NCBP3: variants seen among roughly 807,000 people sequenced by gnomAD.
The protein encoded by NCBP3 is nuclear cap-binding protein subunit 3.
A neutral mutation model predicts 75.7 loss-of-function variants in NCBP3; 20 were observed. The ratio of observed to expected loss-of-function variants is 0.26; its 90% CI spans 0.19 to 0.38. The LOEUF (loss-of-function observed/expected upper bound fraction) is 0.38. Ranked by LOEUF, NCBP3 falls within the 10% of genes least tolerant of loss-of-function variation. The probability of loss-of-function intolerance (pLI) is 1.00; values close to 1 mark genes in which losing one functional copy is unlikely to be tolerated. For missense variants in NCBP3, 678 were observed against 796.9 expected (o/e 0.85, Z 1.80); for synonymous variants, 293 against 290.5 (o/e 1.01, Z -0.09).
Position 3,810,120 on chromosome 17 carries a change from G to A in NCBP3, c.*2924C>T, listed in dbSNP as rs2053386727. The A allele has an allele frequency of 6.6e-6, 1 of 152,222 alleles. No homozygotes were observed. The highest frequency in any genetic ancestry group is 1.5e-5 in the Non-Finnish European group (1 of 68,040). The allele number at this position is 152,222 out of a possible 1,614,324, so 9.4% of individuals were successfully genotyped here. A position where few individuals can be genotyped will look rare whatever the true frequency, so the allele number is the denominator to read the frequency against. Reference sequence around the variant, plus strand: ...TGTAAATATACTAAAAGCCACTCAAGTGTACACTTTAAATGGCTGAACTGT... The same window carrying A: ...TGTAAATATACTAAAAGCCACTCAAATGTACACTTTAAATGGCTGAACTGT... On this transcript the variant is annotated 3_prime_UTR_variant, in exon 13 of 13. Coordinates refer to ENST00000389005, the MANE Select transcript of NCBP3 (RefSeq NM_001114118.3).
Position 3,829,366 on chromosome 17 carries a change from T to A in NCBP3, c.358A>T (p.Ile120Phe), listed in dbSNP as rs758418958. The A allele has an allele frequency of 1.9e-6, 3 of 1,551,682 alleles. No homozygotes were observed. The highest frequency in any genetic ancestry group is 4.9e-5 in the East Asian group (2 of 40,928). ...ATTGTCTCCAGTCTCACCTTGGGGA[T>A]TGCTAGAAAGACAAGACACAGAAAA... ...ALDRDMMKKA[I>F]PKVRLETIYI... Residue 120 changes from isoleucine (I) to phenylalanine (F), a missense_variant and splice_region_variant, in exon 4 of 13, where the codon ATC becomes TTC. Around this residue, in one of 7 missense-constraint regions of NCBP3, gnomAD observed 40 missense variants for 41.3 expected, o/e 0.97. Transcript: ENST00000389005.
At chr17:3,822,590 GC>G (rs1231010731) in intron 7 of NCBP3, 1 of 152,216 alleles carries the variant, frequency 6.6e-6, no homozygotes, top group Admixed American at 6.5e-5. Context: ...AATGTACTCA[GC>G]CACTCAAATG....
chr17:3,835,225 T>G (rs949531299), intron 3 of NCBP3, among the ~76,000 whole-genome samples: 1 of 152,214 alleles, frequency 6.6e-6, no homozygotes, highest in African/African-American at 2.4e-5. Flanking sequence ...TTTAAAAAAG[T>G]GCCTCAAGTA....
chr17:3,840,292 C>G (rs759889390), intron 2 of NCBP3, 87 bp from the exon 3 acceptor site: 8 of 1,071,770 alleles, frequency 7.5e-6, no homozygotes, highest in Non-Finnish European at 1.1e-5. Context: ...AGTGACAAAC[C>G]TGAACTAAAA....
At chr17:3,821,458 T>C in intron 8 of NCBP3, 106 bp from the exon 9 acceptor site, 2 of 863,118 alleles carry the variant, frequency 2.3e-6, no homozygotes, top group Admixed American at 4.6e-5. Flanking sequence ...AGTCTCAATC[T>C]CTCTCCCAGG....
chr17:3,832,128 A>G lies in NCBP3; in HGVS notation c.356-2760T>C, dbSNP rs530147015. 1.5e-4 allele frequency among the ~76,000 whole-genome samples: 16 copies of G among 108,466 alleles called. 2 individuals are homozygous for G. The highest frequency in any genetic ancestry group is 1.2e-3 in the East Asian group (3 of 2,602). The allele number at this position is 108,466 out of a possible 152,430, so 71.2% of individuals were successfully genotyped here. On this transcript the variant is annotated intron_variant, in intron 3 of 12. Transcript: ENST00000389005. ...GAACCTGGGAGGCAGAGGTTGCAGTAAGCCGAGATTGTGCCATTGCACTCC... is the reference window on the plus strand; with the variant it reads ...GAACCTGGGAGGCAGAGGTTGCAGTGAGCCGAGATTGTGCCATTGCACTCC...
At position 3,846,246 on chromosome 17, in the gene NCBP3, T is replaced by C. The variant is rs1055199456; in HGVS notation, c.-23A>G. On this transcript the variant is annotated 5_prime_UTR_variant, in exon 1 of 13. Coordinates refer to ENST00000389005, the MANE Select transcript of NCBP3 (RefSeq NM_001114118.3). The surrounding 1 kb of genome is among the most constrained non-coding windows in gnomAD (Gnocchi z 4.6). ...CATCGCTGCCTGCCGGCCGCACCACTGAGAGCCCGCCCCTCACGGCCGCCG... is the reference window on the plus strand; with the variant it reads ...CATCGCTGCCTGCCGGCCGCACCACCGAGAGCCCGCCCCTCACGGCCGCCG... 9.3e-6 allele frequency: 13 copies of C among 1,404,614 alleles called. No homozygotes were observed. Among genetic ancestry groups the C allele is most frequent in the Non-Finnish European group, 1.2e-5 (13 of 1,088,734 alleles). 87.0% of individuals were successfully genotyped at this position (1,404,614 alleles called of 1,614,324 possible).
Position 3,818,184 on chromosome 17 carries a change from T to C in NCBP3, c.1310+79A>G, listed in dbSNP as rs1483272286. On this transcript the variant is annotated intron_variant, in intron 10 of 12. Transcript: ENST00000389005. The surrounding 1 kb of genome is among the most constrained non-coding windows in gnomAD (Gnocchi z 4.7). ...AAATCAGAATAGATAAAAGATATTA[T>C]AAAATTAGGAGGAATTAAGAAGTTA... 2.7e-6 allele frequency: 3 copies of C among 1,093,326 alleles called. No individual in the cohort carries two copies. Among genetic ancestry groups the C allele is most frequent in the Non-Finnish European group, 3.9e-6 (3 of 775,838 alleles). The allele number at this position is 1,093,326 out of a possible 1,614,324, so 67.7% of individuals were successfully genotyped here. A position where few individuals can be genotyped will look rare whatever the true frequency, so the allele number is the denominator to read the frequency against.
chr17:3,834,073 G>C (rs936368643), intron 3 of NCBP3, among the ~76,000 whole-genome samples: 4 of 152,056 alleles, frequency 2.6e-5, no homozygotes, highest in African/African-American at 9.7e-5. Flanking sequence ...TTGCACTGCC[G>C]GTCACTAATA....
chr17:3,818,176 A>AGAT lies in NCBP3; in HGVS notation c.1310+84_1310+86dup. The AGAT allele has an allele frequency of 9.6e-7, 1 of 1,044,400 alleles. No homozygotes were observed. The highest frequency in any genetic ancestry group is 1.4e-6 in the Non-Finnish European group (1 of 735,180). 64.7% of individuals were successfully genotyped at this position (1,044,400 alleles called of 1,614,324 possible). ...AGGGACTGAAATCAGAATAGATAAA[A>AGAT]GATATTATAAAATTAGGAGGAATTA... On this transcript the variant is annotated intron_variant, in intron 10 of 12. Coordinates refer to ENST00000389005, the MANE Select transcript of NCBP3 (RefSeq NM_001114118.3). This position sits in a 1 kb window ranked among gnomAD's most constrained non-coding sequence, Gnocchi z 4.7.
intron 1 of NCBP3, 75 bp downstream of exon 1, chr17:3,845,966 C>G: frequency 6.8e-6 from 10 of 1,464,660 alleles, no homozygotes; most frequent in Non-Finnish European, 9.2e-6. Flanking sequence ...CTCCGGCCAC[C>G]GCCCCTTCCG....
chr17:3,845,957 T>G, intron 1 of NCBP3, 84 bp downstream of exon 1: 3 of 1,430,802 alleles, frequency 2.1e-6, no homozygotes, highest in Non-Finnish European at 2.8e-6. Context: ...CGGCTGGGGC[T>G]CCGGCCACCG....
At chr17:3,821,846 T>C in intron 8 of NCBP3, 107 bp downstream of exon 8, 1 of 709,782 alleles carries the variant, frequency 1.4e-6, no homozygotes, top group Non-Finnish European at 2.4e-6. Flanking sequence ...TTCTTCCCTC[T>C]TGTTTTCCTT....
At position 3,846,014 on chromosome 17, in the gene NCBP3, T is replaced by C. The variant is rs769500887; in HGVS notation, c.183+27A>G. 6.5e-7 allele frequency: 1 copy of C among 1,540,856 alleles called. No individual in the cohort carries two copies. The highest frequency in any genetic ancestry group is 1.2e-5 in the South Asian group (1 of 83,762). On this transcript the variant is annotated intron_variant, in intron 1 of 12. Transcript: ENST00000389005. The surrounding 1 kb of genome is among the most constrained non-coding windows in gnomAD (Gnocchi z 4.6). ...GCTAGACACTAGCCCCGCGACCTCT[T>C]CCTTACCCCCCGACCCCCGCCCGTA...
intron 6 of NCBP3, among the ~76,000 whole-genome samples, 195 bp downstream of exon 6, chr17:3,825,572 T>C (rs1002483922): frequency 6.6e-6 from 1 of 152,162 alleles, no homozygotes; most frequent in Non-Finnish European, 1.5e-5. Context: ...TGTAGAAGCA[T>C]AAGCACTATT....
At position 3,807,225 on chromosome 17, in the gene NCBP3, T is replaced by C. The variant is rs2053345954; in HGVS notation, c.*5819A>G. 1 of 152,188 alleles carries C rather than the reference T, an allele frequency of 6.6e-6. No homozygotes were observed. The highest frequency in any genetic ancestry group is 2.1e-4 in the South Asian group (1 of 4,832). 9.4% of individuals were successfully genotyped at this position (152,188 alleles called of 1,614,324 possible). On this transcript the variant is annotated 3_prime_UTR_variant, in exon 13 of 13. Coordinates refer to ENST00000389005, the MANE Select transcript of NCBP3 (RefSeq NM_001114118.3). The stretch of plus-strand genomic sequence containing the variant: ...CTGGCTCAGCAGTCCTTCTTTAGGG[T>C]CTAGCGCCTGCCTACCAGCTTCCTC...
At chr17:3,822,925 C>T (rs1392834512) in intron 7 of NCBP3, 1 of 152,084 alleles carries the variant, frequency 6.6e-6, no homozygotes, top group African/African-American at 2.4e-5. Flanking sequence ...TTTTGTTGTG[C>T]CATAAAGAAA....
chr17:3,841,062 C>A (rs1340928336), intron 2 of NCBP3, among the ~76,000 whole-genome samples: 1 of 152,146 alleles, frequency 6.6e-6, no homozygotes, highest in Admixed American at 6.5e-5. Context: ...CAGCAACCTC[C>A]GCCTCCCGGG....
intron 4 of NCBP3, among the ~76,000 whole-genome samples, chr17:3,828,332 G>A (rs2053822761): frequency 6.6e-6 from 1 of 152,316 alleles, no homozygotes; most frequent in Middle Eastern, 3.4e-3. Flanking sequence ...ATGTGACAGA[G>A]ACCGTTAAGC....
Sources: gnomAD v4.1 joint callset for allele counts (sites outside exome capture counted in the v4.1 genomes callset) on GRCh38, gnomAD v4.1.1 for gene constraint, gnomAD v4.1.1 regional missense constraint, Gnocchi (gnomAD v3.1) non-coding constraint, MANE v1.5 for transcripts, NCBI Gene and HGNC (gene_info 2026-07-23, HGNC 2026-07-21) for gene names.